Variants in TAF12 observed in about 807,000 individuals in gnomAD.
TAF12 encodes TATA-box binding protein associated factor 12, also known as transcription initiation factor TFIID subunit 12.
In TAF12, 3 loss-of-function variants were observed where a neutral mutation model predicts 20.8. The ratio of observed to expected loss-of-function variants is 0.14; its 90% CI spans 0.07 to 0.37. The LOEUF is 0.37. Among genes scored for constraint, TAF12 ranks in the 10% least tolerant of loss-of-function variants. The pLI is 1.00. For missense variants in TAF12, 131 were observed against 197.9 expected (o/e 0.66, Z 2.03); for synonymous variants, 69 against 70.2 (o/e 0.98, Z 0.09).
At chr1:28,607,582 G>T (rs1221406018) in intron 4 of TAF12, among the ~76,000 whole-genome samples, 1 of 152,090 alleles carries the variant, frequency 6.6e-6, no homozygotes, top group Non-Finnish European at 1.5e-5. Flanking sequence ...TGAGGCAGGA[G>T]AATCACTTGA....
intron 1 of TAF12, among the ~76,000 whole-genome samples, chr1:28,622,976 G>A (rs926271455): frequency 2.1e-4 from 32 of 151,420 alleles, no homozygotes; most frequent in African/African-American, 6.1e-4. Context: ...GCAGTGAGCC[G>A]AGATCACGCC....
intron 4 of TAF12, among the ~76,000 whole-genome samples, chr1:28,612,447 AT>A (rs1231164195): frequency 1.6e-4 from 24 of 145,876 alleles, no homozygotes; most frequent in African/African-American, 4.5e-4. Flanking sequence ...TCAAAAAAAT[AT>A]ATATATATAT....
At chr1:28,642,510 T>A in intron 1 of TAF12, 2 of 464,468 alleles carry the variant, frequency 4.3e-6, no homozygotes, top group South Asian at 1.8e-4. Flanking sequence ...TTCTGTTCCC[T>A]TCCAAACTCA....
chr1:28,638,478 C>G (rs1225154488), intron 1 of TAF12, among the ~76,000 whole-genome samples: 1 of 145,434 alleles, frequency 6.9e-6, no homozygotes, highest in Non-Finnish European at 1.5e-5. Context: ...CATAAGCCAC[C>G]GCGCCCGGCC....
chr1:28,623,486 A>AT (rs1191801000), intron 1 of TAF12, among the ~76,000 whole-genome samples: 6 of 113,138 alleles, frequency 5.3e-5, no homozygotes, highest in African/African-American at 2.2e-4. Context: ...AAATAATAAT[A>AT]AAAATAAATA....
At chr1:28,642,877 C>T in intron 1 of TAF12, 115 bp downstream of exon 1, 2 of 986,108 alleles carry the variant, frequency 2.0e-6, no homozygotes, top group Non-Finnish European at 2.4e-6. Context: ...AGCCTGAATC[C>T]TCACAGCCCC....
At chr1:28,629,193 G>A (rs1198564328) in intron 1 of TAF12, among the ~76,000 whole-genome samples, 2 of 152,116 alleles carry the variant, frequency 1.3e-5, no homozygotes, top group Non-Finnish European at 2.9e-5. Context: ...GTATCTGGGT[G>A]GCCTATGGGA....
chr1:28,618,203 A>G (rs183853544), intron 2 of TAF12, among the ~76,000 whole-genome samples, 173 bp from the exon 3 acceptor site: 12 of 152,318 alleles, frequency 7.9e-5, no homozygotes, highest in African/African-American at 2.6e-4. Flanking sequence ...TCAAGACAGA[A>G]GTAACTTAGG....
intron 1 of TAF12, among the ~76,000 whole-genome samples, chr1:28,636,612 A>C (rs1667832058): frequency 6.6e-6 from 1 of 151,782 alleles, no homozygotes; most frequent in Non-Finnish European, 1.5e-5. Context: ...CAACATAGTG[A>C]GATCTGGTCA....
rs11801300 is a variant in TAF12 at position 28,648,222 on chromosome 1, A to G, written c.-102T>C. On this transcript the variant is annotated 5_prime_UTR_variant, in exon 1 of 6. Coordinates refer to the TAF12 transcript ENST00000685312. ...ATACCTACAGCCGCTGAGAGCCGGT[A>G]TTCCAACGCCATGAGACGCCTTCTG... 1.1e-3 allele frequency: 1,090 copies of G among 985,332 alleles called. 15 individuals are homozygous for G. The African/African-American group carries it at 0.018, about 16-fold the overall frequency. The allele number at this position is 985,332 out of a possible 1,614,324, so 61.0% of individuals were successfully genotyped here. A position where few individuals can be genotyped will look rare whatever the true frequency, so the allele number is the denominator to read the frequency against.
chr1:28,610,029 T>C (rs1666800130), intron 4 of TAF12, among the ~76,000 whole-genome samples: 1 of 152,038 alleles, frequency 6.6e-6, no homozygotes, highest in African/African-American at 2.4e-5. Context: ...CAGGCTGGAA[T>C]GCAGTGGCAA....
At chr1:28,619,950 A>G (rs1310413942) in intron 2 of TAF12, among the ~76,000 whole-genome samples, 1 of 146,402 alleles carries the variant, frequency 6.8e-6, no homozygotes, top group Admixed American at 6.8e-5. Flanking sequence ...CTCTGTCTCA[A>G]AAAAAAAAAA....
intron 4 of TAF12, among the ~76,000 whole-genome samples, chr1:28,609,894 C>T (rs551979299): frequency 6.6e-6 from 1 of 152,308 alleles, no homozygotes; most frequent in Non-Finnish European, 1.5e-5. Context: ...AAACAACTCC[C>T]TGTACCCCCT....
At chr1:28,638,977 C>T (rs1192473033) in intron 1 of TAF12, among the ~76,000 whole-genome samples, 6 of 150,958 alleles carry the variant, frequency 4.0e-5, no homozygotes, top group Non-Finnish European at 3.0e-5. Flanking sequence ...TTAGTAGAGA[C>T]GGGGTTTCAC....
chr1:28,626,494 T>C (rs984919569), intron 1 of TAF12, among the ~76,000 whole-genome samples: 5 of 149,764 alleles, frequency 3.3e-5, no homozygotes, highest in African/African-American at 7.4e-5. Flanking sequence ...GGCAGGAGAA[T>C]TGCTTGAACC....
upstream of TAF12, chr1:28,648,097 C>T (rs147720728): frequency 1.9e-4 from 180 of 932,764 alleles, no homozygotes; most frequent in African/African-American, 3.1e-3. Context: ...TGTGCTTCCA[C>T]TGCACGCCTG....
At chr1:28,630,467 G>A (rs1039599593) in intron 1 of TAF12, among the ~76,000 whole-genome samples, 47 of 151,894 alleles carry the variant, frequency 3.1e-4, no homozygotes, top group South Asian at 4.2e-4. Context: ...CAGGAGAATC[G>A]CTTGAACCCG....
At chr1:28,615,028 G>C (rs1666982663) in intron 3 of TAF12, among the ~76,000 whole-genome samples, 1 of 151,714 alleles carries the variant, frequency 6.6e-6, no homozygotes, top group East Asian at 2.0e-4. Context: ...ACGCCTGCTT[G>C]AGTCCAGTTA....
At chr1:28,615,721 G>A (rs1175554135) in intron 3 of TAF12, among the ~76,000 whole-genome samples, 1 of 136,346 alleles carries the variant, frequency 7.3e-6, no homozygotes, top group Admixed American at 7.4e-5. Flanking sequence ...AAGAAGCTAA[G>A]GGATAAATCC....
Sources: gnomAD v4.1 joint callset for allele counts (sites outside exome capture counted in the v4.1 genomes callset) on GRCh38, gnomAD v4.1.1 for gene constraint, MANE v1.5 for transcripts, NCBI Gene and HGNC (gene_info 2026-07-23, HGNC 2026-07-21) for gene names.